ARHGEF18: variants seen among roughly 807,000 people sequenced by gnomAD.
The protein encoded by ARHGEF18 is Rho/Rac guanine nucleotide exchange factor 18, also known as rho guanine nucleotide exchange factor 18.
A neutral mutation model predicts 155.7 loss-of-function variants in ARHGEF18; 93 were observed. The observed-to-expected ratio is 0.60, with a 90% CI of 0.50 to 0.71. ARHGEF18 has a LOEUF of 0.71. Among genes scored for constraint, ARHGEF18 ranks in the 30% least tolerant of loss-of-function variants. The pLI is 0.00. For synonymous variants in ARHGEF18, 742 were observed against 753.1 expected, an observed-to-expected ratio of 0.99 and a Z score of 0.24; for missense variants, 1,593 against 1,816.1, an observed-to-expected ratio of 0.88 and a Z score of 2.23.
intron 19 of ARHGEF18, 24 bp from the exon 20 acceptor site, chr19:7,459,879 C>T: frequency 6.5e-7 from 1 of 1,549,548 alleles, no homozygotes; most frequent in Non-Finnish European, 8.7e-7. Context: ...AGCACAGTTA[C>T]CCACCCGACT....
intron 5 of ARHGEF18, 21 bp from the exon 6 acceptor site, chr19:7,378,373 G>C (rs1435143849): frequency 8.1e-7 from 1 of 1,234,182 alleles, no homozygotes; most frequent in Non-Finnish European, 1.0e-6. Context: ...TGTGCTTCCT[G>C]GGATGGGGGG....
At chr19:7,461,615 G>C (rs1600528360) in intron 20 of ARHGEF18, among the ~76,000 whole-genome samples, 1 of 152,256 alleles carries the variant, frequency 6.6e-6, no homozygotes, top group East Asian at 1.9e-4. Context: ...GCTCTAAGTT[G>C]GTCCCAGACT....
chr19:7,361,994 A>AGAAGAAGAAGAAGAAGAGGAAGAG (rs1274080128), intron 1 of ARHGEF18, among the ~76,000 whole-genome samples: 1 of 43,158 alleles, frequency 2.3e-5, no homozygotes, highest in Non-Finnish European at 3.9e-5. Flanking sequence ...ACTCTGTGGA[A>AGAAGAAGAAGAAGAAGAGGAAGAG]GAAGAAGAAG....
chr19:7,465,280 C>T lies in ARHGEF18; in HGVS notation c.2904+590C>T, dbSNP rs547306589. On this transcript the variant is annotated intron_variant, in intron 23 of 28. Coordinates refer to ENST00000668164, the MANE Select transcript of ARHGEF18 (RefSeq NM_001367823.1). ...GACCAGCAGGGCCTGTGTTCCCAGTCATGACCCGGTCCTGGGTCCTTCCTG... is the reference window on the plus strand; with the variant it reads ...GACCAGCAGGGCCTGTGTTCCCAGTTATGACCCGGTCCTGGGTCCTTCCTG... 8.5e-5 allele frequency among the ~76,000 whole-genome samples: 13 copies of T among 152,334 alleles called. 1 individual carries two copies. In the South Asian group the frequency reaches 2.5e-3, roughly 29 times the overall value.
chr19:7,434,024 A>G (rs1372658293), intron 10 of ARHGEF18, among the ~76,000 whole-genome samples: 1 of 106,086 alleles, frequency 9.4e-6, no homozygotes, highest in African/African-American at 3.8e-5. Flanking sequence ...TCTCATTAAA[A>G]AAAAAAAAAA....
intron 10 of ARHGEF18, among the ~76,000 whole-genome samples, chr19:7,418,025 T>G (rs1235457242): frequency 8.5e-5 from 13 of 152,210 alleles, no homozygotes; most frequent in Admixed American, 8.5e-4. Context: ...CAGGTCACAG[T>G]GAAGACGGGT....
At chr19:7,475,223 C>G (rs948819449), downstream of ARHGEF18, among the ~76,000 whole-genome samples, 4 of 152,120 alleles carry the variant, frequency 2.6e-5, no homozygotes, top group Non-Finnish European at 4.4e-5. Context: ...CAGAGTGACT[C>G]TGTCTCAAAA....
chr19:7,466,805 A>AG, intron 23 of ARHGEF18, 113 bp from the exon 24 acceptor site: 5 of 182,940 alleles, frequency 2.7e-5, no homozygotes, highest in Non-Finnish European at 4.0e-5. Context: ...ATTCCGTCTC[A>AG]AAAAAAAAAA....
At position 7,440,591 on chromosome 19, in the gene ARHGEF18, C is replaced by G. The variant is rs959684093; in HGVS notation, c.1106+109C>G. On this transcript the variant is annotated intron_variant, in intron 11 of 28. Coordinates refer to ENST00000668164, the MANE Select transcript of ARHGEF18 (RefSeq NM_001367823.1). This position sits in a 1 kb window ranked among gnomAD's most constrained non-coding sequence, Gnocchi z 5.4. ...CGACTTAGATCTGTGTGAATCCACACGGCAGCCCCCGTGCTAAGCAGAGAA... is the reference window on the plus strand; with the variant it reads ...CGACTTAGATCTGTGTGAATCCACAGGGCAGCCCCCGTGCTAAGCAGAGAA... 11 of 1,328,468 alleles carry G rather than the reference C, an allele frequency of 8.3e-6. No individual in the cohort carries two copies. Among genetic ancestry groups the G allele is most frequent in the Admixed American group, 5.3e-5 (2 of 37,450 alleles). The allele number at this position is 1,328,468 out of a possible 1,614,324, so 82.3% of individuals were successfully genotyped here.
At chr19:7,403,600 G>A (rs190859605) in intron 10 of ARHGEF18, among the ~76,000 whole-genome samples, 10 of 149,266 alleles carry the variant, frequency 6.7e-5, no homozygotes, top group Admixed American at 6.1e-4. Context: ...CAGGATAGAG[G>A]AATCACAGCT....
intron 18 of ARHGEF18, among the ~76,000 whole-genome samples, chr19:7,456,712 G>T (rs541968345): frequency 2.0e-5 from 3 of 152,160 alleles, no homozygotes; most frequent in Non-Finnish European, 4.4e-5. Flanking sequence ...CTGCTCTCCC[G>T]CCTGGGCAAC....
chr19:7,466,921 G>A lies in ARHGEF18; in HGVS notation c.2908G>A (p.Glu970Lys). The A allele has an allele frequency of 1.2e-6, 2 of 1,613,490 alleles. No individual in the cohort carries two copies. The highest frequency in any genetic ancestry group is 1.7e-6 in the Non-Finnish European group (2 of 1,179,992). The change falls in exon 24 of 29, where the codon GAG becomes AAG. Residue 970 changes from glutamate (E) to lysine (K), a missense_variant. Glu to Lys is a moderately conservative substitution (Grantham distance 56, BLOSUM62 1). Transcript: ENST00000668164. The stretch of plus-strand genomic sequence containing the variant: ...TTTGACGGTGTCCTCTTCCCAGGTG[G>A]AGGCGCCAGGCACGGAATCCGATCC... Reference protein sequence around the residue: ...GSSEESPQVVEAPGTESDPRL... With the variant: ...GSSEESPQVVKAPGTESDPRL...
intron 10 of ARHGEF18, among the ~76,000 whole-genome samples, chr19:7,388,449 C>T (rs1971204217): frequency 6.6e-6 from 1 of 152,056 alleles, no homozygotes. Flanking sequence ...TAGACACTAG[C>T]ACTTTCTCTC....
At chr19:7,409,184 C>T (rs1279943494) in intron 10 of ARHGEF18, among the ~76,000 whole-genome samples, 3 of 150,604 alleles carry the variant, frequency 2.0e-5, no homozygotes, top group Non-Finnish European at 4.4e-5. Flanking sequence ...CTCAGCCTCC[C>T]AAGAAGCTGG....
intron 15 of ARHGEF18, among the ~76,000 whole-genome samples, chr19:7,447,524 A>C (rs200895003): frequency 1.1e-5 from 1 of 89,060 alleles, no homozygotes; most frequent in East Asian, 2.6e-4. Context: ...AACAAAAAGC[A>C]AAAAAAAAAA....
downstream of ARHGEF18, among the ~76,000 whole-genome samples, chr19:7,473,855 C>T (rs1260359324): frequency 4.0e-5 from 6 of 149,272 alleles, no homozygotes; most frequent in Non-Finnish European, 5.9e-5. Flanking sequence ...TGGTGGCGTG[C>T]ACCTGTAATC....
chr19:7,391,546 C>T (rs571751966), intron 10 of ARHGEF18, among the ~76,000 whole-genome samples: 9 of 152,256 alleles, frequency 5.9e-5, no homozygotes, highest in South Asian at 2.1e-4. Flanking sequence ...TGTTCATACA[C>T]GTCATACACA....
chr19:7,454,059 G>A (rs937740631), intron 17 of ARHGEF18, among the ~76,000 whole-genome samples: 62 of 151,928 alleles, frequency 4.1e-4, no homozygotes, highest in African/African-American at 1.4e-3. Context: ...TCTTGGATCA[G>A]TGGGCATCAT....
chr19:7,397,037 A>G (rs2145548291), intron 10 of ARHGEF18, among the ~76,000 whole-genome samples: 1 of 144,776 alleles, frequency 6.9e-6, no homozygotes, highest in South Asian at 2.3e-4. Flanking sequence ...GTTTGGACCG[A>G]GTCAGGGTTT....
Sources: allele counts gnomAD v4.1 joint callset (sites outside exome capture counted in the v4.1 genomes callset), GRCh38; gene constraint gnomAD v4.1.1; non-coding constraint Gnocchi (gnomAD v3.1); transcripts MANE v1.5; gene names NCBI Gene and HGNC (gene_info 2026-07-23, HGNC 2026-07-21).